FSTL5: variants seen among roughly 807,000 people sequenced by gnomAD.
FSTL5 encodes the protein follistatin like 5.
FSTL5 carries 62 observed loss-of-function variants against 89.1 expected under a neutral mutation model. The ratio of observed to expected loss-of-function variants is 0.70; its 90% CI spans 0.57 to 0.86. The LOEUF (loss-of-function observed/expected upper bound fraction) is 0.86. FSTL5 is among the 40% of genes least tolerant of loss of function. FSTL5 has a pLI of 0.00. For synonymous variants in FSTL5, 383 were observed against 346.2 expected, an observed-to-expected ratio of 1.11 and a Z score of -1.18; for missense variants, 1,057 against 1,001.6, an observed-to-expected ratio of 1.06 and a Z score of -0.75.
At chr4:162,072,138 A>G (rs1579004867) in intron 2 of FSTL5, among the ~76,000 whole-genome samples, 1 of 151,930 alleles carries the variant, frequency 6.6e-6, no homozygotes, top group Non-Finnish European at 1.5e-5. Context: ...AGGCATATAT[A>G]ATTATCTGTT....
intron 4 of FSTL5, among the ~76,000 whole-genome samples, chr4:161,868,326 A>C (rs1814060): frequency 6.6e-6 from 1 of 152,094 alleles, no homozygotes; most frequent in Non-Finnish European, 1.5e-5. Context: ...CTAATCAAAT[A>C]GCCAAGACAA....
At chr4:162,075,537 G>C (rs955380505) in intron 2 of FSTL5, among the ~76,000 whole-genome samples, 1 of 151,862 alleles carries the variant, frequency 6.6e-6, no homozygotes, top group Non-Finnish European at 1.5e-5. Context: ...AGAGTCAGCT[G>C]TGATGGAGCA....
chr4:161,933,988 A>G (rs943090691), intron 3 of FSTL5, among the ~76,000 whole-genome samples: 1 of 152,056 alleles, frequency 6.6e-6, no homozygotes, highest in South Asian at 2.1e-4. Context: ...TCTAATACTA[A>G]TAACTACCAT....
chr4:161,694,675 T>G (rs1579027445), intron 6 of FSTL5, among the ~76,000 whole-genome samples: 1 of 152,176 alleles, frequency 6.6e-6, no homozygotes, highest in African/African-American at 2.4e-5. Context: ...GAATGGGCAT[T>G]AATTTTATGT....
chr4:161,587,644 G>T (rs1216983770), intron 7 of FSTL5, 69 bp from the exon 8 acceptor site: 14 of 1,199,130 alleles, frequency 1.2e-5, no homozygotes, highest in Non-Finnish European at 1.7e-5. Context: ...ATTTTTAAAA[G>T]GTGTATTCAG....
intron 10 of FSTL5, among the ~76,000 whole-genome samples, chr4:161,515,947 T>C (rs903879994): frequency 1.3e-5 from 2 of 151,842 alleles, no homozygotes; most frequent in African/African-American, 4.8e-5. Context: ...TCCAAAAGAT[T>C]GTTACCAGCA....
chr4:162,014,600 G>A (rs1444716483), intron 3 of FSTL5, among the ~76,000 whole-genome samples: 1 of 152,180 alleles, frequency 6.6e-6, no homozygotes, highest in Non-Finnish European at 1.5e-5. Context: ...ATGATAGAAA[G>A]GCAGATGGGC....
intron 3 of FSTL5, among the ~76,000 whole-genome samples, chr4:162,023,910 T>A (rs2111165889): frequency 6.6e-6 from 1 of 152,222 alleles, no homozygotes; most frequent in Middle Eastern, 3.4e-3. Context: ...CCCACAAAAA[T>A]GGCCTGGGAT....
chr4:161,596,436 G>T (rs1274207546), intron 7 of FSTL5, among the ~76,000 whole-genome samples: 3 of 151,878 alleles, frequency 2.0e-5, no homozygotes, highest in African/African-American at 7.2e-5. Context: ...AAACCAAAAT[G>T]ATGAGAACTT....
intron 1 of FSTL5, among the ~76,000 whole-genome samples, chr4:162,150,064 A>C (rs1483833504): frequency 6.6e-6 from 1 of 152,204 alleles, no homozygotes; most frequent in Admixed American, 6.5e-5. Flanking sequence ...TTGGCTAATC[A>C]GGATTGTATC....
At chr4:161,440,217 A>G (rs576096768) in intron 15 of FSTL5, among the ~76,000 whole-genome samples, 17 of 152,274 alleles carry the variant, frequency 1.1e-4, no homozygotes, top group African/African-American at 3.6e-4. Context: ...AGATTCGCCA[A>G]CACACAGGGC....
At position 161,386,203 on chromosome 4, in the gene FSTL5, A is replaced by G. The variant is rs756432902; in HGVS notation, c.2088T>C (p.Thr696=). The G allele has an allele frequency of 1.2e-6, 2 of 1,613,996 alleles. No homozygotes were observed. The highest frequency in any genetic ancestry group is 3.3e-5 in the Admixed American group (2 of 59,980). The change falls in exon 16 of 16, where the codon ACT becomes ACC. Residue 696 remains threonine (T), a synonymous_variant. Coordinates refer to ENST00000306100, the MANE Select transcript of FSTL5 (RefSeq NM_020116.5). ...VIGFNSDVTG[T]PYVSPDGHYL... ...AGTGGCCATCTGGAGAGACATATGG[A>G]GTGCCCGTCACATCACTATTGAACC... is the stretch of plus-strand genomic sequence containing the variant.
intron 4 of FSTL5, among the ~76,000 whole-genome samples, chr4:161,846,103 G>A (rs941098028): frequency 1.3e-5 from 2 of 151,718 alleles, no homozygotes; most frequent in African/African-American, 2.4e-5. Flanking sequence ...GTTTGTGTGT[G>A]TGTGTGCACG....
chr4:162,059,832 G>A (rs1340590417), intron 2 of FSTL5, among the ~76,000 whole-genome samples: 1 of 152,114 alleles, frequency 6.6e-6, no homozygotes, highest in Non-Finnish European at 1.5e-5. Context: ...TCAAGGTTAT[G>A]AGATCAGAAA....
chr4:161,779,759 T>TTATATATATATACATATATATA (rs1741554470), intron 4 of FSTL5, among the ~76,000 whole-genome samples: 1 of 31,184 alleles, frequency 3.2e-5, no homozygotes, highest in Non-Finnish European at 5.0e-5. Context: ...ATTTGTAAAG[T>TTATATATATATACATATATATA]TATATATATA....
At chr4:161,854,561 T>C (rs1246217217) in intron 4 of FSTL5, among the ~76,000 whole-genome samples, 2 of 152,196 alleles carry the variant, frequency 1.3e-5, no homozygotes, top group Non-Finnish European at 2.9e-5. Context: ...TCCATAGGGA[T>C]TACTGCTGTT....
At chr4:161,721,144 G>A (rs1016711394) in intron 6 of FSTL5, among the ~76,000 whole-genome samples, 1 of 151,790 alleles carries the variant, frequency 6.6e-6, no homozygotes, top group South Asian at 2.1e-4. Context: ...CGGGCGCGGT[G>A]GCGGGCGCCT....
intron 6 of FSTL5, among the ~76,000 whole-genome samples, chr4:161,751,794 A>T (rs918301077): frequency 6.6e-6 from 1 of 151,370 alleles, no homozygotes; most frequent in Non-Finnish European, 1.5e-5. Flanking sequence ...AAAAAAGAAA[A>T]AAAAAGGATG....
At chr4:161,627,644 T>A (rs904055899) in intron 7 of FSTL5, among the ~76,000 whole-genome samples, 1 of 152,166 alleles carries the variant, frequency 6.6e-6, no homozygotes, top group Non-Finnish European at 1.5e-5. Context: ...TACAGAATAT[T>A]AACTTTTAAT....
Sources: allele counts gnomAD v4.1 joint callset (sites outside exome capture counted in the v4.1 genomes callset), GRCh38; gene constraint gnomAD v4.1.1; transcripts MANE v1.5; gene names NCBI Gene and HGNC (gene_info 2026-07-23, HGNC 2026-07-21).